The following SH2B3 variants were observed in gnomAD, a reference collection of about 807,000 sequenced individuals.
The protein encoded by SH2B3 is SH2B adaptor protein 3, also known as SH2B adapter protein 3.
A neutral mutation model predicts 51.9 loss-of-function variants in SH2B3; 43 were observed. The ratio of observed to expected loss-of-function variants is 0.83; its 90% CI spans 0.65 to 1.07. The LOEUF is 1.07. SH2B3 is among the 50% of genes least tolerant of loss of function. SH2B3 has a pLI of 0.00. For missense variants in SH2B3, 952 were observed against 834.3 expected (o/e 1.14, Z -1.74); for synonymous variants, 396 against 376.0 (o/e 1.05, Z -0.62).
Position 111,448,275 on chromosome 12 carries a change from C to T in SH2B3, c.1701C>T (p.Ala567=), listed in dbSNP as rs1874252519. 6.2e-7 allele frequency: 1 copy of T among 1,613,296 alleles called. No homozygotes were observed. Residue 567 remains alanine, a synonymous_variant, in exon 8 of 8, where the codon GCC becomes GCT. Coordinates refer to ENST00000341259, the MANE Select transcript of SH2B3 (RefSeq NM_005475.3). ...CATCCTCCCGGAGCCACCTGCGGGCCATAGACAATCAGTACACACCTCTCT... is the reference window on the plus strand; with the variant it reads ...CATCCTCCCGGAGCCACCTGCGGGCTATAGACAATCAGTACACACCTCTCT... ...MDSSSRSHLR[A]IDNQYTPL is the part of the protein sequence containing the mutation.
Position 111,447,707 on chromosome 12 carries a change from C to T in SH2B3, c.1288C>T (p.His430Tyr), listed in dbSNP as rs2135621314. 1 of 1,613,964 alleles carries T rather than the reference C, an allele frequency of 6.2e-7. No individual in the cohort carries two copies. The change falls in exon 7 of 8, where the codon CAC becomes TAC. Residue 430 changes from histidine to tyrosine, a missense_variant. By Grantham distance (83) the His-to-Tyr change is moderately conservative. Coordinates refer to ENST00000341259, the MANE Select transcript of SH2B3 (RefSeq NM_005475.3). ...ERGQCRVQHL[H>Y]FPSVVDMLHH... ...GGGCCAGTGCCGTGTGCAGCACCTCCACTTTCCCTCGGTCGTGGACATGCT... is the reference window on the plus strand; with the variant it reads ...GGGCCAGTGCCGTGTGCAGCACCTCTACTTTCCCTCGGTCGTGGACATGCT...
intron 1 of SH2B3, among the ~76,000 whole-genome samples, chr12:111,411,234 G>A (rs1429132651): frequency 2.0e-5 from 3 of 151,550 alleles, no homozygotes; most frequent in South Asian, 2.1e-4. Flanking sequence ...GGGTATGGTG[G>A]CACATGGCTG....
At position 111,418,807 on chromosome 12, in the gene SH2B3, G is replaced by C. The variant is rs770789973; in HGVS notation, c.662G>C (p.Arg221Thr). 4.9e-6 allele frequency: 7 copies of C among 1,441,290 alleles called. No homozygotes were observed. The highest frequency in any genetic ancestry group is 2.8e-5 in the South Asian group (2 of 71,526). 89.3% of individuals were successfully genotyped at this position (1,441,290 alleles called of 1,614,324 possible). ...MDSGARWQRG[R>T]LALRRAPGPD... is the part of the protein sequence containing the mutation. Reference sequence around the variant, plus strand: ...AGCGGGGCACGCTGGCAGCGCGGGAGGCTGGCGCTGCGCCGGGCCCCGGGC... The same window carrying C: ...AGCGGGGCACGCTGGCAGCGCGGGACGCTGGCGCTGCGCCGGGCCCCGGGC... The change falls in exon 2 of 8, where the codon AGG (arginine) becomes ACG (threonine). Residue 221 changes from arginine to threonine, a missense_variant. Physicochemically the swap from Arg to Thr is moderately conservative, Grantham distance 71. Coordinates refer to ENST00000341259, the MANE Select transcript of SH2B3 (RefSeq NM_005475.3). The surrounding 1 kb of genome is among the most constrained non-coding windows in gnomAD (Gnocchi z 6.7).
At position 111,429,386 on chromosome 12, in the gene SH2B3, G is replaced by C. The variant is rs1013996120; in HGVS notation, c.732+10509G>C. Among the ~76,000 whole-genome samples the C allele has an allele frequency of 3.9e-5, 6 of 152,144 alleles. No homozygotes were observed. Among genetic ancestry groups the C allele is most frequent in the African/African-American group, 1.4e-4 (6 of 41,442 alleles). On this transcript the variant is annotated intron_variant, in intron 2 of 7. Transcript: ENST00000341259. This position sits in a 1 kb window ranked among gnomAD's most constrained non-coding sequence, Gnocchi z 4.4. ...TCGCTCTGTCGCCCAGGTTAGAGCA[G>C]AGTGGTGTGATTTTGGCTCACTGCA...
rs984163500 is a variant in SH2B3 at position 111,407,011 on chromosome 12, C to G, written c.-28+734C>G. On this transcript the variant is annotated intron_variant, in intron 1 of 7. Coordinates refer to ENST00000341259, the MANE Select transcript of SH2B3 (RefSeq NM_005475.3). This position sits in a 1 kb window ranked among gnomAD's most constrained non-coding sequence, Gnocchi z 4.3. ...GGTAGGGATGGTATTTCAGAGGTCT[C>G]TGATGCCTGGTGCAGAAATCCCCTT... 2.0e-5 allele frequency among the ~76,000 whole-genome samples: 3 copies of G among 152,194 alleles called. No individual in the cohort carries two copies. Among genetic ancestry groups the G allele is most frequent in the East Asian group, 1.9e-4 (1 of 5,198 alleles).
Position 111,409,844 on chromosome 12 carries a change from A to G in SH2B3, c.-28+3567A>G, listed in dbSNP as rs1349961428. ...GCCACCACTAGCCATCCTTCCTCCCAGCAGGGGCAGAGGACACTTCCCCAG... is the reference window on the plus strand; with the variant it reads ...GCCACCACTAGCCATCCTTCCTCCCGGCAGGGGCAGAGGACACTTCCCCAG... On this transcript the variant is annotated intron_variant, in intron 1 of 7. Coordinates refer to ENST00000341259, the MANE Select transcript of SH2B3 (RefSeq NM_005475.3). The surrounding 1 kb of genome is among the most constrained non-coding windows in gnomAD (Gnocchi z 4.0). 6.6e-6 allele frequency among the ~76,000 whole-genome samples: 1 copy of G among 152,180 alleles called. No individual in the cohort carries two copies. The highest frequency in any genetic ancestry group is 2.4e-5 in the African/African-American group (1 of 41,444).
chr12:111,420,750 C>T (rs1220307495), intron 2 of SH2B3, among the ~76,000 whole-genome samples: 2 of 152,184 alleles, frequency 1.3e-5, no homozygotes, highest in Non-Finnish European at 1.5e-5. Context: ...AATAAACCCA[C>T]AGATGAGCAT....
At chr12:111,439,199 G>C (rs1477260082) in intron 2 of SH2B3, among the ~76,000 whole-genome samples, 1 of 151,826 alleles carries the variant, frequency 6.6e-6, no homozygotes, top group Non-Finnish European at 1.5e-5. Context: ...GCCCAGGCTG[G>C]AGTGCAGTGG....
At chr12:111,419,882 C>CG (rs1385292487) in intron 2 of SH2B3, among the ~76,000 whole-genome samples, 2 of 152,190 alleles carry the variant, frequency 1.3e-5, no homozygotes, top group Non-Finnish European at 2.9e-5. Context: ...GAGGTTTAGT[C>CG]GTTACGTCTC....
intron 1 of SH2B3, among the ~76,000 whole-genome samples, chr12:111,416,423 G>A (rs1395787156): frequency 6.6e-6 from 1 of 152,122 alleles, no homozygotes; most frequent in Non-Finnish European, 1.5e-5. Flanking sequence ...TGGAGAAACT[G>A]AGGTAGAGAG....
Position 111,418,738 on chromosome 12 carries a change from A to C in SH2B3, c.593A>C (p.Glu198Ala). 1 of 1,485,218 alleles carries C rather than the reference A, an allele frequency of 6.7e-7. No individual in the cohort carries two copies. Among genetic ancestry groups the C allele is most frequent in the South Asian group, 1.3e-5 (1 of 79,728 alleles). The allele number at this position is 1,485,218 out of a possible 1,614,324, so 92.0% of individuals were successfully genotyped here. A position where few individuals can be genotyped will look rare whatever the true frequency, so the allele number is the denominator to read the frequency against. ...AREPPPEALK[E>A]AVLRYSLADE... is the part of the protein sequence containing the mutation. ...GAGCCGCCACCCGAGGCGCTGAAGG[A>C]GGCGGTGCTGCGCTACAGCCTGGCC... Residue 198 changes from glutamate (E) to alanine (A), a missense_variant, in exon 2 of 8, where the codon GAG becomes GCG. By Grantham distance (107) the Glu-to-Ala change is moderately radical. Transcript: ENST00000341259. The surrounding 1 kb of genome is among the most constrained non-coding windows in gnomAD (Gnocchi z 6.7).
Position 111,438,716 on chromosome 12 carries a change from G to T in SH2B3, c.733-8037G>T, listed in dbSNP as rs1272605539. ...GACAACAGGCAGGGAAGGAAGTGAA[G>T]GGGCTTTGCGGCTCAGGATTTAGAT... On this transcript the variant is annotated intron_variant, in intron 2 of 7. Coordinates refer to ENST00000341259, the MANE Select transcript of SH2B3 (RefSeq NM_005475.3). The surrounding 1 kb of genome is among the most constrained non-coding windows in gnomAD (Gnocchi z 4.2). 1.3e-5 allele frequency among the ~76,000 whole-genome samples: 2 copies of T among 152,194 alleles called. No homozygotes were observed. The highest frequency in any genetic ancestry group is 2.9e-5 in the Non-Finnish European group (2 of 68,038).
rs527748966 is a variant in SH2B3 at position 111,430,752 on chromosome 12, C to T, written c.732+11875C>T. On this transcript the variant is annotated intron_variant, in intron 2 of 7. Coordinates refer to ENST00000341259, the MANE Select transcript of SH2B3 (RefSeq NM_005475.3). ...CAGAAAATGGGATGCCAGCACTTGC[C>T]TTAGTGGGTTGTTTTGAGCCAACTG... Among the ~76,000 whole-genome samples the T allele has an allele frequency of 2.6e-5, 4 of 152,296 alleles. No individual in the cohort carries two copies. The East Asian group carries it at 7.7e-4, about 29-fold the overall frequency.
At chr12:111,433,639 T>C (rs546353517) in intron 2 of SH2B3, among the ~76,000 whole-genome samples, 2 of 152,338 alleles carry the variant, frequency 1.3e-5, no homozygotes, top group South Asian at 2.1e-4. Context: ...GGCAGCTCAC[T>C]GCAGCCTCAA....
chr12:111,432,500 A>G (rs1458503573), intron 2 of SH2B3, among the ~76,000 whole-genome samples: 2 of 152,196 alleles, frequency 1.3e-5, no homozygotes, highest in Admixed American at 1.3e-4. Flanking sequence ...CTTGCTCTCA[A>G]AGCTTTATTG....
intron 2 of SH2B3, among the ~76,000 whole-genome samples, chr12:111,443,104 G>C (rs1318035927): frequency 6.6e-6 from 1 of 152,256 alleles, no homozygotes; most frequent in Admixed American, 6.5e-5. Context: ...CCAGGTAACA[G>C]CATGAGGGCA....
chr12:111,405,560 A>C (rs1251538714), upstream of SH2B3, among the ~76,000 whole-genome samples: 1 of 150,982 alleles, frequency 6.6e-6, no homozygotes, highest in Admixed American at 6.6e-5. This position sits in a 1 kb window ranked among gnomAD's most constrained non-coding sequence, Gnocchi z 5.4. Flanking sequence ...CCAGGCGCTG[A>C]GGCACCTGGT....
chr12:111,434,203 T>C (rs1415163694), intron 2 of SH2B3, among the ~76,000 whole-genome samples: 5 of 152,212 alleles, frequency 3.3e-5, no homozygotes, highest in African/African-American at 1.2e-4. Flanking sequence ...GTTTAAATTG[T>C]ACAATGCATT....
At position 111,425,120 on chromosome 12, in the gene SH2B3, C is replaced by G. The variant is rs913603130; in HGVS notation, c.732+6243C>G. 2.0e-5 allele frequency among the ~76,000 whole-genome samples: 3 copies of G among 152,028 alleles called. No homozygotes were observed. In the East Asian group the frequency reaches 5.8e-4, roughly 29 times the overall value. On this transcript the variant is annotated intron_variant, in intron 2 of 7. Transcript: ENST00000341259. ...TGCAGTTGGGCCCCAGCTCTGCCCC[C>G]GACCTGCTGTGTGACCGCGGGCCTG...
Sources: allele counts gnomAD v4.1 joint callset (sites outside exome capture counted in the v4.1 genomes callset), GRCh38; gene constraint gnomAD v4.1.1; non-coding constraint Gnocchi (gnomAD v3.1); transcripts MANE v1.5; gene names NCBI Gene and HGNC (gene_info 2026-07-23, HGNC 2026-07-21).